Variants in PICALM observed in about 807,000 individuals in gnomAD.
PICALM encodes the protein phosphatidylinositol binding clathrin assembly protein, also known as phosphatidylinositol-binding clathrin assembly protein.
PICALM carries 40 observed loss-of-function variants against 80.5 expected under a neutral mutation model. The ratio of observed to expected loss-of-function variants is 0.50; its 90% CI spans 0.39 to 0.65. The LOEUF (loss-of-function observed/expected upper bound fraction) is 0.65. PICALM is among the 30% of genes least tolerant of loss of function. The pLI is 0.00. For missense variants in PICALM, 676 were observed against 778.9 expected (o/e 0.87, Z 1.57); for synonymous variants, 288 against 260.3 (o/e 1.11, Z -1.02).
At chr11:86,012,871 A>G (rs2095421806) in intron 5 of PICALM, among the ~76,000 whole-genome samples, 1 of 152,180 alleles carries the variant, frequency 6.6e-6, no homozygotes, top group African/African-American at 2.4e-5. Context: ...ACAATTTACA[A>G]AATAAAAAAT....
At chr11:86,055,496 G>C (rs1407280813) in intron 1 of PICALM, among the ~76,000 whole-genome samples, 5 of 49,010 alleles carry the variant, frequency 1.0e-4, no homozygotes, top group Admixed American at 6.9e-4. Flanking sequence ...TTATCCAGCT[G>C]AAAGAATGAC....
rs142663459 is a variant in PICALM, at chr11:86,067,701, T to G, written c.130+950A>C. ...TTTGTAAGTAAATTTATTAATCCATTTGGAATTCCAACAGTCTACGCTTAA... is the reference window on the plus strand; with the variant it reads ...TTTGTAAGTAAATTTATTAATCCATGTGGAATTCCAACAGTCTACGCTTAA... On this transcript the variant is annotated intron_variant, in intron 1 of 19. Transcript: ENST00000393346. Among the ~76,000 whole-genome samples the G allele has an allele frequency of 3.1e-3, 475 of 152,302 alleles. 4 individuals carry two copies. The highest frequency in any genetic ancestry group is 0.011 in the South Asian group (51 of 4,832).
chr11:86,060,165 T>C (rs2137644540), intron 1 of PICALM, among the ~76,000 whole-genome samples: 1 of 152,338 alleles, frequency 6.6e-6, no homozygotes, highest in Non-Finnish European at 1.5e-5. Context: ...TAGTTCCTCT[T>C]TGAGTACTCT....
At chr11:85,985,187 T>C (rs1343092778) in intron 13 of PICALM, among the ~76,000 whole-genome samples, 1 of 152,124 alleles carries the variant, frequency 6.6e-6, no homozygotes, top group Non-Finnish European at 1.5e-5. Context: ...TTTGAATTCT[T>C]AATGTGTAAC....
At chr11:86,041,440 C>T (rs1226735707) in intron 1 of PICALM, among the ~76,000 whole-genome samples, 1 of 152,078 alleles carries the variant, frequency 6.6e-6, no homozygotes, top group Non-Finnish European at 1.5e-5. Context: ...GAACGGAACA[C>T]AGAAGAGATT....
In PICALM at chr11:86,068,825, G is replaced by C. The variant is rs983411354; in HGVS notation, c.-45C>G. 3.9e-6 allele frequency: 6 copies of C among 1,555,620 alleles called. No homozygotes were observed. The highest frequency in any genetic ancestry group is 5.2e-6 in the Non-Finnish European group (6 of 1,154,958). On this transcript the variant is annotated 5_prime_UTR_variant, in exon 1 of 20. Transcript: ENST00000393346. Reference sequence around the variant, plus strand: ...CCCCACCCGCTCAGCAGCCGGCGGGGACTGGGACCCCCAAGAGCCGGAGGG... The same window carrying C: ...CCCCACCCGCTCAGCAGCCGGCGGGCACTGGGACCCCCAAGAGCCGGAGGG...
chr11:85,974,992 T>C (rs1205912598), intron 18 of PICALM, among the ~76,000 whole-genome samples, 180 bp from the exon 19 acceptor site: 1 of 152,218 alleles, frequency 6.6e-6, no homozygotes, highest in Admixed American at 6.5e-5. Context: ...TTTTTTCTTT[T>C]GGTAAGTAAA....
chr11:86,021,314 G>A (rs1467472941), intron 4 of PICALM, among the ~76,000 whole-genome samples: 1 of 152,060 alleles, frequency 6.6e-6, no homozygotes, highest in Admixed American at 6.6e-5. Context: ...TGGTGCCACT[G>A]TCTCAAAAAG....
chr11:85,982,025 A>C (rs762241874), intron 14 of PICALM, 22 bp from the exon 15 acceptor site: 1 of 1,609,872 alleles, frequency 6.2e-7, no homozygotes, highest in Non-Finnish European at 8.5e-7. Flanking sequence ...AAACAGACGA[A>C]ATAGAATTTG....
At chr11:85,992,014 C>T (rs2094796310) in intron 12 of PICALM, among the ~76,000 whole-genome samples, 3 of 152,042 alleles carry the variant, frequency 2.0e-5, no homozygotes, top group African/African-American at 7.2e-5. Context: ...TGCCACCATG[C>T]CTGGCTAATT....
At chr11:86,033,020 G>C (rs1400231160) in intron 1 of PICALM, among the ~76,000 whole-genome samples, 1 of 152,160 alleles carries the variant, frequency 6.6e-6, no homozygotes, top group Non-Finnish European at 1.5e-5. Context: ...TGGAACAACA[G>C]AATGACACAA....
intron 10 of PICALM, 26 bp from the exon 11 acceptor site, chr11:86,000,805 G>C (rs1400151317): frequency 1.9e-6 from 3 of 1,599,300 alleles, no homozygotes; most frequent in Non-Finnish European, 2.6e-6. Context: ...ACTACCATAA[G>C]GATTCCAGAA....
chr11:85,984,695 T>C (rs2094528915), intron 13 of PICALM, among the ~76,000 whole-genome samples: 1 of 152,166 alleles, frequency 6.6e-6, no homozygotes, highest in Admixed American at 6.5e-5. Flanking sequence ...ACAAAACCAT[T>C]AACAGACCTT....
chr11:86,027,918 C>G (rs940200461), intron 2 of PICALM, among the ~76,000 whole-genome samples: 2 of 152,030 alleles, frequency 1.3e-5, no homozygotes, highest in African/African-American at 4.8e-5. Flanking sequence ...CACAATTATC[C>G]TAAAATAGTG....
At chr11:85,977,249 T>C (rs1565254077) in intron 17 of PICALM, among the ~76,000 whole-genome samples, 3 of 152,234 alleles carry the variant, frequency 2.0e-5, no homozygotes, top group East Asian at 3.8e-4. Context: ...AGTTCTTATA[T>C]AGAGTATGTA....
intron 4 of PICALM, among the ~76,000 whole-genome samples, chr11:86,019,378 C>T (rs1441478525): frequency 6.6e-6 from 1 of 152,102 alleles, no homozygotes; most frequent in Non-Finnish European, 1.5e-5. Flanking sequence ...CTTGATTCAA[C>T]TAAGTCAATA....
chr11:85,989,769 T>C (rs1168395134), intron 13 of PICALM, among the ~76,000 whole-genome samples: 1 of 151,884 alleles, frequency 6.6e-6, no homozygotes, highest in Admixed American at 6.6e-5. Context: ...TGCATAGATT[T>C]TGGACAATAT....
chr11:86,036,793 T>C (rs1169767085), intron 1 of PICALM, among the ~76,000 whole-genome samples: 1 of 152,054 alleles, frequency 6.6e-6, no homozygotes, highest in African/African-American at 2.4e-5. Context: ...CACAGTACAA[T>C]TCCATTTTTT....
At chr11:86,045,545 A>C (rs1593298073) in intron 1 of PICALM, among the ~76,000 whole-genome samples, 1 of 147,942 alleles carries the variant, frequency 6.8e-6, no homozygotes, top group East Asian at 2.0e-4. Context: ...AAAAAAAAAA[A>C]GACTCCATAT....
Sources: gnomAD v4.1 joint callset for allele counts (sites outside exome capture counted in the v4.1 genomes callset) on GRCh38, gnomAD v4.1.1 for gene constraint, MANE v1.5 for transcripts, NCBI Gene and HGNC (gene_info 2026-07-23, HGNC 2026-07-21) for gene names.